The following GPHN variants were observed in gnomAD, a reference collection of about 807,000 sequenced individuals.
GPHN encodes the protein gephyrin.
Under a neutral mutation model 95.5 loss-of-function variants are expected in GPHN, and 17 were observed. The observed-to-expected ratio is 0.18, with a 90% CI of 0.12 to 0.27. The LOEUF is 0.27. Among genes scored for constraint, GPHN ranks in the 10% least tolerant of loss-of-function variants. The pLI is 1.00. For missense variants in GPHN, 660 were observed against 978.1 expected (o/e 0.67, Z 4.34); for synonymous variants, 320 against 322.5 (o/e 0.99, Z 0.08).
intron 2 of GPHN, among the ~76,000 whole-genome samples, chr14:66,745,796 A>T (rs1043181470): frequency 1.9e-4 from 29 of 152,010 alleles, no homozygotes; most frequent in East Asian, 5.8e-4. Flanking sequence ...TTATTTTTTT[A>T]AAATTTAATT....
chr14:67,154,406 G>T (rs1220287366), intron 18 of GPHN, among the ~76,000 whole-genome samples: 1 of 151,988 alleles, frequency 6.6e-6, no homozygotes, highest in Non-Finnish European at 1.5e-5. Flanking sequence ...TTTATTTGTT[G>T]GTTTACTTGT....
At chr14:67,648,824 AT>A in the GPHN span, 1 of 152,210 alleles carries the variant, frequency 6.6e-6, no homozygotes, top group Non-Finnish European at 1.5e-5. Flanking sequence ...GCTACTTCAA[AT>A]GACCTTTCAT....
chr14:67,509,226 T>C, the GPHN span, among the ~76,000 whole-genome samples: 1 of 152,332 alleles, frequency 6.6e-6, no homozygotes, highest in South Asian at 2.1e-4. Flanking sequence ...GGTACAGACC[T>C]CTCCTTACTG....
At chr14:66,574,711 G>T (rs2060835619) in intron 1 of GPHN, among the ~76,000 whole-genome samples, 1 of 152,208 alleles carries the variant, frequency 6.6e-6, no homozygotes, top group African/African-American at 2.4e-5. Context: ...GACTAAGTGG[G>T]CAAGGTCTGC....
chr14:66,796,505 T>G (rs1283747045), intron 3 of GPHN, among the ~76,000 whole-genome samples: 1 of 152,162 alleles, frequency 6.6e-6, no homozygotes, highest in Non-Finnish European at 1.5e-5. Flanking sequence ...CTTCACATTC[T>G]CACCAGCATT....
intron 1 of GPHN, among the ~76,000 whole-genome samples, chr14:66,627,064 A>C (rs551753611): frequency 5.3e-5 from 8 of 152,114 alleles, no homozygotes; most frequent in African/African-American, 1.9e-4. Flanking sequence ...GGGGGAATAG[A>C]GGATAGATAG....
the GPHN span, among the ~76,000 whole-genome samples, chr14:67,709,762 T>C: frequency 1.3e-5 from 2 of 152,226 alleles, no homozygotes; most frequent in Non-Finnish European, 2.9e-5. Context: ...AGCAGGACTT[T>C]GATGTCCTTT....
chr14:66,791,508 T>G (rs1435109476), intron 3 of GPHN, among the ~76,000 whole-genome samples: 1 of 152,238 alleles, frequency 6.6e-6, no homozygotes, highest in Non-Finnish European at 1.5e-5. Flanking sequence ...GGGTACATTA[T>G]TCATGAGTTT....
chr14:67,618,302 A>AATTCT, the GPHN span, among the ~76,000 whole-genome samples: 1 of 152,140 alleles, frequency 6.6e-6, no homozygotes, highest in African/African-American at 2.4e-5. Context: ...GTGGGGCCCA[A>AATTCT]GAATTTGCAC....
chr14:67,381,744 G>C, the GPHN span: 1 of 1,216,790 alleles, frequency 8.2e-7, no homozygotes, highest in Non-Finnish European at 1.2e-6. Context: ...AACCAAATAG[G>C]ATCTTTGATC....
At chr14:67,024,611 A>G (rs1452344410) in intron 10 of GPHN, among the ~76,000 whole-genome samples, 1 of 152,212 alleles carries the variant, frequency 6.6e-6, no homozygotes, top group Non-Finnish European at 1.5e-5. Context: ...GCAAAAAGAT[A>G]CATAGGGCAG....
chr14:67,137,650 A>G (rs1456502251), intron 17 of GPHN, among the ~76,000 whole-genome samples: 2 of 152,054 alleles, frequency 1.3e-5, no homozygotes, highest in Non-Finnish European at 2.9e-5. Context: ...TTGTGGTCCC[A>G]GCTACTCAGG....
chr14:66,886,814 C>G (rs2064221296), intron 5 of GPHN, among the ~76,000 whole-genome samples: 1 of 152,042 alleles, frequency 6.6e-6, no homozygotes, highest in Non-Finnish European at 1.5e-5. Flanking sequence ...AAGGGGCTTA[C>G]CAGAGCAAAG....
chr14:66,768,159 G>T (rs2059032417), intron 2 of GPHN, among the ~76,000 whole-genome samples: 1 of 151,866 alleles, frequency 6.6e-6, no homozygotes, highest in Non-Finnish European at 1.5e-5. Flanking sequence ...ACTGAGTAAT[G>T]ATCTAACCAA....
At chr14:67,662,173 C>CAAA in the GPHN span, among the ~76,000 whole-genome samples, 8 of 140,052 alleles carry the variant, frequency 5.7e-5, no homozygotes, top group African/African-American at 2.2e-4. Context: ...ACAACAACAA[C>CAAA]AACAACAAAA....
intron 4 of GPHN, among the ~76,000 whole-genome samples, chr14:66,842,242 G>A (rs2062128748): frequency 6.6e-6 from 1 of 152,122 alleles, no homozygotes; most frequent in Non-Finnish European, 1.5e-5. Flanking sequence ...TTTGTTGATT[G>A]ATATTACTGC....
At chr14:66,793,879 A>G (rs1455130859) in intron 3 of GPHN, among the ~76,000 whole-genome samples, 5 of 152,208 alleles carry the variant, frequency 3.3e-5, no homozygotes, top group African/African-American at 1.2e-4. Context: ...GGAACTAATA[A>G]GAGACATATA....
chr14:66,559,127 T>C (rs570467194), intron 1 of GPHN, among the ~76,000 whole-genome samples: 5 of 152,272 alleles, frequency 3.3e-5, no homozygotes, highest in South Asian at 4.1e-4. Context: ...TTTTCTTAAT[T>C]CAGTCTATCA....
chr14:67,132,311 G>A (rs2079768073), intron 17 of GPHN, among the ~76,000 whole-genome samples: 1 of 152,166 alleles, frequency 6.6e-6, no homozygotes, highest in African/African-American at 2.4e-5. Flanking sequence ...TGTTCTTAAA[G>A]TAGGAGTTTT....
Sources: gnomAD v4.1 joint callset for allele counts (sites outside exome capture counted in the v4.1 genomes callset) on GRCh38, gnomAD v4.1.1 for gene constraint, MANE v1.5 for transcripts, NCBI Gene and HGNC (gene_info 2026-07-23, HGNC 2026-07-21) for gene names.